The following UHRF2 variants were observed in gnomAD, a reference collection of about 807,000 sequenced individuals.
UHRF2 encodes ubiquitin like with PHD and ring finger domains 2.
UHRF2 carries 23 observed loss-of-function variants against 96.8 expected under a neutral mutation model. The ratio of observed to expected loss-of-function variants is 0.24; its 90% CI spans 0.17 to 0.34. UHRF2 has a LOEUF of 0.34. Among genes scored for constraint, UHRF2 ranks in the 10% least tolerant of loss-of-function variants. The pLI is 1.00. For synonymous variants in UHRF2, 385 were observed against 332.6 expected (o/e 1.16, Z -1.72); for missense variants, 685 against 981.5 (o/e 0.70, Z 4.04).
intron 3 of UHRF2, among the ~76,000 whole-genome samples, chr9:6,453,367 A>T (rs1017703594): frequency 6.6e-5 from 10 of 152,346 alleles, no homozygotes; most frequent in African/African-American, 2.4e-4. Context: ...ATTTAAAAAC[A>T]TACAGAATGA....
chr9:6,426,352 C>T (rs965578722), intron 2 of UHRF2, among the ~76,000 whole-genome samples: 1 of 152,186 alleles, frequency 6.6e-6, no homozygotes, highest in Non-Finnish European at 1.5e-5. Context: ...TCAGCTGCTG[C>T]TTGGTTATAC....
rs529019337 is a variant in UHRF2, at chr9:6,504,782, G to A, written c.2262+91G>A. On this transcript the variant is annotated intron_variant, in intron 15 of 15. Coordinates refer to ENST00000276893, the MANE Select transcript of UHRF2 (RefSeq NM_152896.3). Reference sequence around the variant, plus strand: ...TTTAGCATGCTAAGAAGCATTTTCCGTGAAGCGGGATAGTTGCGGAACCTT... The same window carrying A: ...TTTAGCATGCTAAGAAGCATTTTCCATGAAGCGGGATAGTTGCGGAACCTT... 64 of 1,007,138 alleles carry A rather than the reference G, an allele frequency of 6.4e-5. 1 individual carries two copies. The highest frequency in any genetic ancestry group is 5.9e-4 in the South Asian group (35 of 59,722). 62.4% of individuals were successfully genotyped at this position (1,007,138 alleles called of 1,614,324 possible).
intron 2 of UHRF2, 42 bp downstream of exon 2, chr9:6,421,184 T>C: frequency 2.1e-6 from 3 of 1,408,246 alleles, no homozygotes; most frequent in Non-Finnish European, 2.9e-6. Context: ...AGAATACAAA[T>C]AAATTTATTT....
At chr9:6,432,310 T>C (rs1429728594) in intron 2 of UHRF2, among the ~76,000 whole-genome samples, 1 of 152,186 alleles carries the variant, frequency 6.6e-6, no homozygotes, top group African/African-American at 2.4e-5. Flanking sequence ...GTAGTGACAG[T>C]TGATAGTTTT....
intron 2 of UHRF2, among the ~76,000 whole-genome samples, chr9:6,424,027 C>T (rs536531181): frequency 4.6e-5 from 7 of 152,162 alleles, no homozygotes; most frequent in African/African-American, 1.2e-4. Flanking sequence ...CATTCTATAC[C>T]GGTATTCCCT....
In UHRF2 at chr9:6,443,205, A is replaced by G. The variant is rs1190661505; in HGVS notation, c.644+9032A>G. On this transcript the variant is annotated intron_variant, in intron 3 of 15. Coordinates refer to ENST00000276893, the MANE Select transcript of UHRF2 (RefSeq NM_152896.3). ...CTTTAACTGTGGGCAAATGATCGCC[A>G]GGAGCCTTTTCATAGTGAAGCCCAA... Among the ~76,000 whole-genome samples, 4 of 152,350 alleles carry G rather than the reference A, an allele frequency of 2.6e-5. No individual in the cohort carries two copies. In the East Asian group the frequency reaches 7.7e-4, roughly 29 times the overall value.
intron 4 of UHRF2, among the ~76,000 whole-genome samples, chr9:6,461,377 C>T: frequency 9.1e-6 from 1 of 109,690 alleles, no homozygotes; most frequent in Non-Finnish European, 1.8e-5. Flanking sequence ...TCTCCCCCTC[C>T]TCCTTCTCTC....
At chr9:6,444,830 G>A (rs1316461670) in intron 3 of UHRF2, among the ~76,000 whole-genome samples, 2 of 152,086 alleles carry the variant, frequency 1.3e-5, no homozygotes, top group African/African-American at 2.4e-5. Flanking sequence ...CTTGAACCCT[G>A]ACCTTAGGTG....
chr9:6,503,324 A>C (rs1281597509), intron 14 of UHRF2, among the ~76,000 whole-genome samples: 1 of 152,180 alleles, frequency 6.6e-6, no homozygotes, highest in Non-Finnish European at 1.5e-5. Flanking sequence ...ATAAAAAATA[A>C]ATATGAAATA....
intron 3 of UHRF2, among the ~76,000 whole-genome samples, chr9:6,439,718 T>C (rs991237035): frequency 4.6e-5 from 7 of 152,210 alleles, no homozygotes; most frequent in African/African-American, 1.4e-4. Flanking sequence ...TCTAGAGATT[T>C]AGATTTCAAG....
At position 6,487,319 on chromosome 9, in the gene UHRF2, T is replaced by G. The variant is rs554364014; in HGVS notation, c.1497+394T>G. Reference sequence around the variant, plus strand: ...TTTTCCTGCCTCAGCCTCCCAAGTATGTGAGATTTCAGGCGCCTGCCATCA... The same window carrying G: ...TTTTCCTGCCTCAGCCTCCCAAGTAGGTGAGATTTCAGGCGCCTGCCATCA... On this transcript the variant is annotated intron_variant, in intron 9 of 15. Coordinates refer to ENST00000276893, the MANE Select transcript of UHRF2 (RefSeq NM_152896.3). Among the ~76,000 whole-genome samples, 496 of 151,552 alleles carry G rather than the reference T, an allele frequency of 3.3e-3. 1 individual carries two copies. The highest frequency in any genetic ancestry group is 0.012 in the African/African-American group (485 of 41,336).
At chr9:6,468,839 C>G (rs989252360) in intron 4 of UHRF2, 2 of 371,616 alleles carry the variant, frequency 5.4e-6, no homozygotes, top group Admixed American at 3.5e-5. Context: ...TAGACTAAAT[C>G]TTACTTAAAG....
At chr9:6,419,178 G>T (rs1819780344) in intron 1 of UHRF2, among the ~76,000 whole-genome samples, 2 of 152,286 alleles carry the variant, frequency 1.3e-5, no homozygotes, top group South Asian at 4.1e-4. Flanking sequence ...TTTTGGCAGG[G>T]ACGCAACTTA....
intron 2 of UHRF2, among the ~76,000 whole-genome samples, chr9:6,432,754 G>T (rs1820625122): frequency 6.6e-6 from 1 of 151,920 alleles, no homozygotes. Context: ...GTGATCTTGT[G>T]TTGATTTCAT....
At chr9:6,438,241 G>A (rs745999744) in intron 3 of UHRF2, among the ~76,000 whole-genome samples, 1 of 152,198 alleles carries the variant, frequency 6.6e-6, no homozygotes, top group African/African-American at 2.4e-5. Context: ...ATGGAGAATG[G>A]TCTGCCTTGA....
At chr9:6,491,821 C>T (rs1824676268) in intron 9 of UHRF2, among the ~76,000 whole-genome samples, 1 of 152,190 alleles carries the variant, frequency 6.6e-6, no homozygotes, top group Non-Finnish European at 1.5e-5. Flanking sequence ...CTACTGCCTG[C>T]CAGGCACAAT....
intron 5 of UHRF2, among the ~76,000 whole-genome samples, chr9:6,475,890 T>C (rs186781367): frequency 1.8e-4 from 27 of 152,302 alleles, no homozygotes; most frequent in African/African-American, 6.5e-4. Flanking sequence ...GTTGGGAACA[T>C]TCTAAATCTA....
chr9:6,439,821 GGA>G lies in UHRF2; in HGVS notation c.644+5655_644+5656del, dbSNP rs574177404. On this transcript the variant is annotated intron_variant, in intron 3 of 15. Coordinates refer to ENST00000276893, the MANE Select transcript of UHRF2 (RefSeq NM_152896.3). ...TCCCCTTACCCAAACCCTGGTTACT[GGA>G]GAGAGACTATACTTGAATGAAAACT... Among the ~76,000 whole-genome samples the G allele has an allele frequency of 4.2e-3, 645 of 152,224 alleles. 1 individual carries two copies. The highest frequency in any genetic ancestry group is 0.02 in the Middle Eastern group (6 of 294).
chr9:6,464,635 C>G (rs1822754100), intron 4 of UHRF2, among the ~76,000 whole-genome samples: 1 of 152,130 alleles, frequency 6.6e-6, no homozygotes, highest in Non-Finnish European at 1.5e-5. Flanking sequence ...TATGAATAAA[C>G]ATTTTTCCTA....
Sources: gnomAD v4.1 joint callset for allele counts (sites outside exome capture counted in the v4.1 genomes callset) on GRCh38, gnomAD v4.1.1 for gene constraint, MANE v1.5 for transcripts, NCBI Gene and HGNC (gene_info 2026-07-23, HGNC 2026-07-21) for gene names.